ZNF804A: variants seen among roughly 807,000 people sequenced by gnomAD.
The protein encoded by ZNF804A is zinc finger protein 804A.
In ZNF804A, 2 loss-of-function variants were observed where a neutral mutation model predicts 16.5. That is an observed-to-expected ratio of 0.12 (90% CI 0.05 to 0.38). ZNF804A has a LOEUF of 0.38. Ranked by LOEUF, ZNF804A falls within the 10% of genes least tolerant of loss-of-function variation. The pLI is 0.99. For synonymous variants in ZNF804A, 534 were observed against 489.6 expected, an observed-to-expected ratio of 1.09 and a Z score of -1.20; for missense variants, 1,473 against 1,390.7, an observed-to-expected ratio of 1.06 and a Z score of -0.94.
At chr2:184,771,941 G>T (rs1178834343) in intron 1 of ZNF804A, among the ~76,000 whole-genome samples, 1 of 151,986 alleles carries the variant, frequency 6.6e-6, no homozygotes, top group East Asian at 1.9e-4. Context: ...ATTCTACTGG[G>T]TATAAGCAAG....
intron 2 of ZNF804A, among the ~76,000 whole-genome samples, chr2:184,872,176 A>G (rs1488807392): frequency 4.6e-5 from 7 of 152,156 alleles, no homozygotes; most frequent in African/African-American, 1.7e-4. Context: ...TCTATTTTAA[A>G]CCAAGAATAA....
At chr2:184,629,576 A>G (rs75634856) in intron 1 of ZNF804A, among the ~76,000 whole-genome samples, 2,660 of 152,278 alleles carry the variant, frequency 0.017, 56 homozygotes, top group African/African-American at 0.06. Flanking sequence ...TATACAATAA[A>G]CACTTCAAAG....
At chr2:184,747,516 A>G (rs1693808842) in intron 1 of ZNF804A, among the ~76,000 whole-genome samples, 1 of 151,120 alleles carries the variant, frequency 6.6e-6, no homozygotes, top group South Asian at 2.1e-4. Context: ...ACCGTTATGT[A>G]TTTCATAAAT....
chr2:184,635,812 A>G (rs1465329420), intron 1 of ZNF804A, among the ~76,000 whole-genome samples: 1 of 152,172 alleles, frequency 6.6e-6, no homozygotes, highest in Non-Finnish European at 1.5e-5. Flanking sequence ...GAAGTTATTT[A>G]AGATCATAGA....
rs142479082 is a variant in ZNF804A, at chr2:184,723,565, C to A, written c.111+124495C>A. ...TCAGTTTCATTATTTTATAGGAACA[C>A]CATTCAACCATTACATATTAGTGTT... On this transcript the variant is annotated intron_variant, in intron 1 of 3. Transcript: ENST00000302277. Among the ~76,000 whole-genome samples the A allele has an allele frequency of 2.2e-3, 328 of 151,770 alleles. 1 individual carries two copies. The highest frequency in any genetic ancestry group is 6.8e-3 in the Middle Eastern group (2 of 294).
At position 184,808,848 on chromosome 2, in the gene ZNF804A, A is replaced by G. The variant is rs184322420; in HGVS notation, c.112-57521A>G. Among the ~76,000 whole-genome samples, 157 of 151,956 alleles carry G rather than the reference A, an allele frequency of 1.0e-3. 1 individual carries two copies. The highest frequency in any genetic ancestry group is 1.9e-3 in the Non-Finnish European group (130 of 67,736). ...TATTTTATTTTAATTTTCTACATTT[A>G]GTATGTATAGCCACAAGCATATTTG... On this transcript the variant is annotated intron_variant, in intron 1 of 3. Coordinates refer to ENST00000302277, the MANE Select transcript of ZNF804A (RefSeq NM_194250.2).
chr2:184,858,804 T>C (rs891407506), intron 1 of ZNF804A, among the ~76,000 whole-genome samples: 2 of 152,208 alleles, frequency 1.3e-5, no homozygotes, highest in Non-Finnish European at 2.9e-5. Context: ...TTCATGTTAC[T>C]GGCTTGAAGA....
intron 1 of ZNF804A, among the ~76,000 whole-genome samples, chr2:184,859,915 C>G (rs72905784): frequency 6.6e-6 from 1 of 151,878 alleles, no homozygotes. Flanking sequence ...GCCTTGGCAC[C>G]GGGGTGGGCC....
chr2:184,784,375 C>T (rs1034622629), intron 1 of ZNF804A, among the ~76,000 whole-genome samples: 1 of 151,944 alleles, frequency 6.6e-6, no homozygotes, highest in Non-Finnish European at 1.5e-5. Context: ...GTATTACATA[C>T]TACATATTAC....
At chr2:184,646,894 T>C (rs771306544) in intron 1 of ZNF804A, among the ~76,000 whole-genome samples, 20 of 152,218 alleles carry the variant, frequency 1.3e-4, no homozygotes, top group Non-Finnish European at 2.4e-4. Flanking sequence ...GCTCTACTCA[T>C]CTTGGCCCCT....
At chr2:184,863,436 A>T (rs1031652144) in intron 1 of ZNF804A, among the ~76,000 whole-genome samples, 5 of 152,130 alleles carry the variant, frequency 3.3e-5, no homozygotes, top group African/African-American at 1.2e-4. Flanking sequence ...GGCTGAAGCT[A>T]ATATTTTTGA....
Position 184,609,716 on chromosome 2 carries a change from G to A in ZNF804A, c.111+10646G>A, listed in dbSNP as rs903941129. Among the ~76,000 whole-genome samples, 11 of 152,284 alleles carry A rather than the reference G, an allele frequency of 7.2e-5. 1 individual carries two copies. In the South Asian group the frequency reaches 8.3e-4, roughly 11 times the overall value. On this transcript the variant is annotated intron_variant, in intron 1 of 3. Coordinates refer to ENST00000302277, the MANE Select transcript of ZNF804A (RefSeq NM_194250.2). ...GTCTCTTCTTATGAGGGAAGTAATC[G>A]CATGCATGAGGGTTCCACCCTCGTG...
chr2:184,613,322 A>G lies in ZNF804A; in HGVS notation c.111+14252A>G, dbSNP rs1691268734. ...TCTCTTGCTCTCGCTGTCTCACTAC[A>G]CACCATGGTAGTAGAGGGTGCTGTT... On this transcript the variant is annotated intron_variant, in intron 1 of 3. Coordinates refer to ENST00000302277, the MANE Select transcript of ZNF804A (RefSeq NM_194250.2). Among the ~76,000 whole-genome samples the G allele has an allele frequency of 2.0e-5, 3 of 152,286 alleles. No individual in the cohort carries two copies. In the East Asian group the frequency reaches 5.8e-4, roughly 29 times the overall value.
intron 1 of ZNF804A, among the ~76,000 whole-genome samples, chr2:184,730,847 C>CTT (rs35119389): frequency 0.01 from 1,509 of 145,496 alleles, 20 homozygotes; most frequent in African/African-American, 0.031. Flanking sequence ...CAATTTGCAG[C>CTT]TTTTTTTTTT....
At chr2:184,933,859 T>A in intron 3 of ZNF804A, 126 bp downstream of exon 3, 1 of 924,072 alleles carries the variant, frequency 1.1e-6, no homozygotes, top group South Asian at 2.0e-5. Context: ...CATGTTTTCA[T>A]GGCCTTCTGT....
At chr2:184,717,735 C>T (rs144246418) in intron 1 of ZNF804A, among the ~76,000 whole-genome samples, 158 of 152,206 alleles carry the variant, frequency 1.0e-3, no homozygotes, top group Middle Eastern at 6.8e-3. Context: ...TGTGATATTT[C>T]GTTACATGCA....
intron 1 of ZNF804A, among the ~76,000 whole-genome samples, chr2:184,612,448 T>TG (rs1691252186): frequency 4.0e-5 from 6 of 150,102 alleles, no homozygotes; most frequent in Non-Finnish European, 8.9e-5. Context: ...TTTTTTTTTT[T>TG]TGGGGGGGGG....
intron 1 of ZNF804A, among the ~76,000 whole-genome samples, chr2:184,825,148 G>A (rs1366344915): frequency 6.6e-6 from 1 of 152,006 alleles, no homozygotes; most frequent in South Asian, 2.1e-4. Flanking sequence ...AAGGAAACAG[G>A]TATCAGTCAT....
At chr2:184,620,844 G>C (rs538211368) in intron 1 of ZNF804A, among the ~76,000 whole-genome samples, 1 of 151,460 alleles carries the variant, frequency 6.6e-6, no homozygotes, top group East Asian at 1.9e-4. Context: ...ACATCCTATC[G>C]ATATTTTTAT....
Sources: gnomAD v4.1 joint callset for allele counts (sites outside exome capture counted in the v4.1 genomes callset) on GRCh38, gnomAD v4.1.1 for gene constraint, MANE v1.5 for transcripts, NCBI Gene and HGNC (gene_info 2026-07-23, HGNC 2026-07-21) for gene names.